The following OTUD7A variants were observed in gnomAD, a reference collection of about 807,000 sequenced individuals.
OTUD7A encodes the protein OTU domain-containing protein 7A.
Under a neutral mutation model 65.7 loss-of-function variants are expected in OTUD7A, and 12 were observed. The observed-to-expected ratio is 0.18, with a 90% CI of 0.12 to 0.30. The LOEUF (loss-of-function observed/expected upper bound fraction) is 0.30, where lower values mean the gene tolerates loss of function less well. Ranked by LOEUF, OTUD7A falls within the 10% of genes least tolerant of loss-of-function variation. The pLI, the probability that OTUD7A is intolerant of heterozygous loss-of-function variation, is 1.00. For missense variants in OTUD7A, 1,148 were observed against 1,304.8 expected (o/e 0.88, Z 1.85); for synonymous variants, 641 against 586.3 (o/e 1.09, Z -1.35).
intron 5 of OTUD7A, among the ~76,000 whole-genome samples, chr15:31,552,252 T>G (rs192719494): frequency 6.6e-6 from 1 of 152,210 alleles, no homozygotes; most frequent in Non-Finnish European, 1.5e-5. Context: ...TGCAGAACTG[T>G]GAGCCAAATA....
chr15:31,628,427 G>C (rs1891034053), intron 3 of OTUD7A, among the ~76,000 whole-genome samples: 1 of 152,024 alleles, frequency 6.6e-6, no homozygotes, highest in African/African-American at 2.4e-5. Context: ...ATTTCTGAGG[G>C]CTCTCTTCTG....
intron 10 of OTUD7A, among the ~76,000 whole-genome samples, chr15:31,500,076 A>G (rs1026761533): frequency 6.6e-6 from 1 of 152,144 alleles, no homozygotes; most frequent in Non-Finnish European, 1.5e-5. Flanking sequence ...TGGCCTTGGG[A>G]CCATCACCTT....
At chr15:31,866,214 G>T (rs1410949068) in intron 1 of OTUD7A, among the ~76,000 whole-genome samples, 1 of 152,210 alleles carries the variant, frequency 6.6e-6, no homozygotes, top group East Asian at 1.9e-4. Flanking sequence ...CAAGGCTTTA[G>T]ATGCATGGGA....
intron 1 of OTUD7A, among the ~76,000 whole-genome samples, chr15:31,668,677 T>C (rs1892394954): frequency 6.6e-6 from 1 of 152,222 alleles, no homozygotes; most frequent in Non-Finnish European, 1.5e-5. Context: ...TTGGTTTGGA[T>C]CCATTGCTGG....
chr15:31,755,615 G>C (rs931251797), intron 1 of OTUD7A, among the ~76,000 whole-genome samples: 1 of 151,994 alleles, frequency 6.6e-6, no homozygotes, highest in Non-Finnish European at 1.5e-5. Flanking sequence ...CCAGCTACTT[G>C]GGAGGCTGAG....
intron 1 of OTUD7A, among the ~76,000 whole-genome samples, chr15:31,844,874 C>T (rs894128300): frequency 6.6e-6 from 1 of 152,246 alleles, no homozygotes; most frequent in Non-Finnish European, 1.5e-5. Context: ...ACTCAGGGCC[C>T]TGCTTACTGC....
chr15:31,695,082 C>T (rs60165096), intron 1 of OTUD7A, among the ~76,000 whole-genome samples: 11,949 of 152,116 alleles, frequency 0.079, 1,128 homozygotes, highest in African/African-American at 0.23. Context: ...CCTGACCTTG[C>T]GATCCGCCCA....
At chr15:31,547,491 CAT>C (rs1888169230) in intron 5 of OTUD7A, among the ~76,000 whole-genome samples, 1 of 152,192 alleles carries the variant, frequency 6.6e-6, no homozygotes, top group Non-Finnish European at 1.5e-5. Flanking sequence ...CACCTGAACA[CAT>C]GCTTTTCATT....
At chr15:31,568,678 A>G (rs945163282) in intron 4 of OTUD7A, among the ~76,000 whole-genome samples, 1 of 152,188 alleles carries the variant, frequency 6.6e-6, no homozygotes, top group African/African-American at 2.4e-5. Context: ...TCTTGGAGGT[A>G]AGGCCTAGTG....
intron 1 of OTUD7A, among the ~76,000 whole-genome samples, chr15:31,719,877 C>G (rs1479331025): frequency 1.3e-5 from 2 of 151,982 alleles, no homozygotes; most frequent in African/African-American, 4.8e-5. Flanking sequence ...CTGAAAGTGT[C>G]CCCTCACCCC....
At chr15:31,605,911 C>G (rs1222408811) in intron 3 of OTUD7A, among the ~76,000 whole-genome samples, 1 of 152,204 alleles carries the variant, frequency 6.6e-6, no homozygotes, top group East Asian at 1.9e-4. Flanking sequence ...CCCATTCTAA[C>G]CAGTGAACCA....
At chr15:31,711,194 G>C (rs937845833) in intron 1 of OTUD7A, among the ~76,000 whole-genome samples, 5 of 151,768 alleles carry the variant, frequency 3.3e-5, no homozygotes, top group Admixed American at 3.3e-4. Flanking sequence ...ATTAGGGAAA[G>C]TTCAGAAAAC....
At chr15:31,777,073 G>A (rs1372395800) in intron 1 of OTUD7A, among the ~76,000 whole-genome samples, 3 of 152,094 alleles carry the variant, frequency 2.0e-5, no homozygotes, top group Non-Finnish European at 4.4e-5. Flanking sequence ...AAACTGGGTC[G>A]CTCATAAACA....
intron 4 of OTUD7A, among the ~76,000 whole-genome samples, chr15:31,562,234 C>T (rs746541215): frequency 6.6e-6 from 1 of 152,236 alleles, no homozygotes; most frequent in African/African-American, 2.4e-5. Context: ...TGGCAAAGGC[C>T]TTGCCCCGCA....
At position 31,484,121 on chromosome 15, in the gene OTUD7A, C is replaced by G. The variant is rs775860709; in HGVS notation, c.1975G>C (p.Glu659Gln). The change falls in exon 13 of 13, where the codon GAG becomes CAG. Residue 659 changes from glutamate (E) to glutamine (Q), a missense_variant. By Grantham distance (29) the Glu-to-Gln change is conservative. This residue lies in a region of OTUD7A where 842 missense variants were observed against 769.5 expected (regional missense o/e 1.09). Transcript: ENST00000307050. The surrounding 1 kb of genome is among the most constrained non-coding windows in gnomAD (Gnocchi z 4.5). ...CTCGTCAGGTAGTAGCCGATCATCTCCTCGTGGAACTGGTGCCGGTGGCTG... is the reference window on the plus strand; with the variant it reads ...CTCGTCAGGTAGTAGCCGATCATCTGCTCGTGGAACTGGTGCCGGTGGCTG... ...LTSHRHQFHE[E>Q]MIGYYLTSAQ... is the part of the protein sequence containing the mutation. 2 of 1,608,028 alleles carry G rather than the reference C, an allele frequency of 1.2e-6. No homozygotes were observed. The highest frequency in any genetic ancestry group is 1.7e-6 in the Non-Finnish European group (2 of 1,179,452).
chr15:31,649,469 C>T (rs1281981896), intron 3 of OTUD7A, among the ~76,000 whole-genome samples: 1 of 152,172 alleles, frequency 6.6e-6, no homozygotes, highest in Admixed American at 6.5e-5. Context: ...ACCTTCCGCT[C>T]AGCTTTTGCC....
At chr15:31,503,402 C>G (rs1346748787) in intron 9 of OTUD7A, among the ~76,000 whole-genome samples, 1 of 152,196 alleles carries the variant, frequency 6.6e-6, no homozygotes, top group Non-Finnish European at 1.5e-5. Context: ...TGTGGGCTGT[C>G]TGCTATGCCC....
intron 1 of OTUD7A, among the ~76,000 whole-genome samples, chr15:31,837,231 T>C (rs1897075448): frequency 6.6e-6 from 1 of 152,018 alleles, no homozygotes; most frequent in Admixed American, 6.6e-5. Flanking sequence ...TCATGATCAC[T>C]CAAAATAAAA....
chr15:31,752,499 T>C (rs1330135291), intron 1 of OTUD7A, among the ~76,000 whole-genome samples: 1 of 152,212 alleles, frequency 6.6e-6, no homozygotes, highest in Admixed American at 6.5e-5. Context: ...TCTGTTACTC[T>C]AAAATCCATT....
Sources: allele counts gnomAD v4.1 joint callset (sites outside exome capture counted in the v4.1 genomes callset), GRCh38; gene constraint gnomAD v4.1.1; regional missense constraint gnomAD v4.1.1; non-coding constraint Gnocchi (gnomAD v3.1); transcripts MANE v1.5; gene names NCBI Gene and HGNC (gene_info 2026-07-23, HGNC 2026-07-21).